The following COL12A1 variants were observed in gnomAD, a reference collection of about 807,000 sequenced individuals.
COL12A1 encodes the protein collagen type XII alpha 1 chain.
A neutral mutation model predicts 349.7 loss-of-function variants in COL12A1; 114 were observed. The ratio of observed to expected loss-of-function variants is 0.33; its 90% CI spans 0.28 to 0.38. The LOEUF (loss-of-function observed/expected upper bound fraction) is 0.38, where lower values mean the gene tolerates loss of function less well. Ranked by LOEUF, COL12A1 falls within the 10% of genes least tolerant of loss-of-function variation. The pLI is 1.00. For synonymous variants in COL12A1, 1,369 were observed against 1,329.0 expected, an observed-to-expected ratio of 1.03 and a Z score of -0.66; for missense variants, 3,284 against 3,756.9, an observed-to-expected ratio of 0.87 and a Z score of 3.29.
Position 75,138,498 on chromosome 6 carries a change from A to T in COL12A1, c.5180T>A (p.Ile1727Asn). Residue 1727 changes from isoleucine (I) to asparagine (N), a missense_variant, in exon 29 of 66, where the codon ATC becomes AAC. Coordinates refer to ENST00000322507, the MANE Select transcript of COL12A1 (RefSeq NM_004370.6). ...ATCACTTTCTGACTCATCAGGATAG[A>T]TGGCAGTAATGGAAACTTCATAGAT... ...NTIYEVSITAIYPDESESDDL... is the reference protein window; with the variant it reads ...NTIYEVSITANYPDESESDDL... 1 of 1,614,078 alleles carries T rather than the reference A, an allele frequency of 6.2e-7. No individual in the cohort carries two copies. The highest frequency in any genetic ancestry group is 2.2e-5 in the East Asian group (1 of 44,860).
chr6:75,124,746 ATAAT>A (rs1246977034), intron 40 of COL12A1, among the ~76,000 whole-genome samples: 2 of 152,194 alleles, frequency 1.3e-5, no homozygotes, highest in Non-Finnish European at 2.9e-5. Flanking sequence ...TCATGATTCA[ATAAT>A]TAAGTCAAAT....
chr6:75,087,530 T>C, intron 65 of COL12A1, 47 bp downstream of exon 65: 2 of 1,597,178 alleles, frequency 1.3e-6, no homozygotes. Context: ...TTCCGTAAAG[T>C]TCTTTACTTC....
intron 13 of COL12A1, among the ~76,000 whole-genome samples, chr6:75,166,038 G>A (rs1364047139): frequency 6.6e-6 from 1 of 151,488 alleles, no homozygotes; most frequent in African/African-American, 2.4e-5. Context: ...TGTCCTTCAG[G>A]ACAAGATTGA....
intron 8 of COL12A1, among the ~76,000 whole-genome samples, chr6:75,185,827 T>A (rs1242172926): frequency 6.6e-6 from 1 of 152,148 alleles, no homozygotes; most frequent in Non-Finnish European, 1.5e-5. Context: ...CCTACAACCA[T>A]CTGATCTTCA....
intron 60 of COL12A1, among the ~76,000 whole-genome samples, chr6:75,093,266 A>G (rs1767857943): frequency 6.6e-6 from 1 of 152,238 alleles, no homozygotes; most frequent in South Asian, 2.1e-4. Flanking sequence ...ACTGGCTAGC[A>G]TATTGTAGGC....
At position 75,119,036 on chromosome 6, in the gene COL12A1, T is replaced by A. The variant is rs1466596032; in HGVS notation, c.7354+7A>T. Reference sequence around the variant, plus strand: ...TCAAGTGCAATCAAATTCATGTATGTGCTTGCCTGACTGCTGGATGACCAA... The same window carrying A: ...TCAAGTGCAATCAAATTCATGTATGAGCTTGCCTGACTGCTGGATGACCAA... On this transcript the variant is annotated splice_region_variant and intron_variant, in intron 46 of 65. Transcript: ENST00000322507. 1.9e-6 allele frequency: 3 copies of A among 1,613,908 alleles called. No homozygotes were observed. The East Asian group carries it at 6.7e-5, about 36-fold the overall frequency.
At position 75,174,921 on chromosome 6, in the gene COL12A1, CTTTTT is replaced by C. The variant is rs1768836434; in HGVS notation, c.2710+112_2710+116del. 3 of 1,170,150 alleles carry C rather than the reference CTTTTT, an allele frequency of 2.6e-6. No homozygotes were observed. The Admixed American group carries it at 7.3e-5, about 29-fold the overall frequency. 72.5% of individuals were successfully genotyped at this position (1,170,150 alleles called of 1,614,324 possible). A position where few individuals can be genotyped will look rare whatever the true frequency, so the allele number is the denominator to read the frequency against. The stretch of plus-strand genomic sequence containing the variant: ...GGTTATTTGTTTTTCAATATGGATT[CTTTTT>C]AAGAGAAAGGATTGCACACTTCTAG... On this transcript the variant is annotated intron_variant, in intron 13 of 65. Transcript: ENST00000322507.
At chr6:75,161,639 T>G (rs1225692966) in intron 14 of COL12A1, among the ~76,000 whole-genome samples, 1 of 152,178 alleles carries the variant, frequency 6.6e-6, no homozygotes, top group East Asian at 1.9e-4. Flanking sequence ...CAACATAGTA[T>G]TGGAAGTTCT....
chr6:75,157,962 G>A (rs2149426939), intron 14 of COL12A1, among the ~76,000 whole-genome samples: 1 of 152,214 alleles, frequency 6.6e-6, no homozygotes, highest in Non-Finnish European at 1.5e-5. Context: ...CAGTTTAAAA[G>A]CAAATGTCAG....
chr6:75,141,758 A>G (rs897223407), intron 27 of COL12A1, among the ~76,000 whole-genome samples: 4 of 152,212 alleles, frequency 2.6e-5, no homozygotes, highest in Non-Finnish European at 4.4e-5. Context: ...CTACACATAC[A>G]TGCACACACA....
chr6:75,089,113 G>A lies in COL12A1; in HGVS notation c.9003C>T (p.Gly3001=), dbSNP rs1281725784. The change falls in exon 64 of 66, where the codon GGC becomes GGT. Residue 3001 remains glycine (G), a synonymous_variant. Transcript: ENST00000322507. The part of the protein sequence containing the change: ...TGSSGPRGLP[G]PPGPQGESRT... ...AAATACTAGCAAACCTACCTGGGGGGCCAGGCAGCCCCCGAGGTCCTGAAG... is the reference window on the plus strand; with the variant it reads ...AAATACTAGCAAACCTACCTGGGGGACCAGGCAGCCCCCGAGGTCCTGAAG... 3 of 1,610,732 alleles carry A rather than the reference G, an allele frequency of 1.9e-6. No individual in the cohort carries two copies. The highest frequency in any genetic ancestry group is 2.5e-6 in the Non-Finnish European group (3 of 1,178,626).
At chr6:75,132,901 CA>C (rs1489244382) in intron 34 of COL12A1, among the ~76,000 whole-genome samples, 1 of 152,072 alleles carries the variant, frequency 6.6e-6, no homozygotes, top group Non-Finnish European at 1.5e-5. Flanking sequence ...ACAAACAAAC[CA>C]AAGACATATG....
intron 36 of COL12A1, 54 bp from the exon 37 acceptor site, chr6:75,130,287 G>A (rs1766238920): frequency 3.2e-6 from 5 of 1,577,664 alleles, no homozygotes; most frequent in Non-Finnish European, 4.3e-6. Context: ...CATTACCTAA[G>A]TCAGATTAAG....
rs2149439042 is a variant in COL12A1 at position 75,165,799 on chromosome 6, G to A, written c.2711-20C>T. Reference sequence around the variant, plus strand: ...CACGTTCTAGAACAGAAATTAAAAGGGAATCTTTTTTAAAAATGTCTAGTA... The same window carrying A: ...CACGTTCTAGAACAGAAATTAAAAGAGAATCTTTTTTAAAAATGTCTAGTA... On this transcript the variant is annotated intron_variant, in intron 13 of 65. Transcript: ENST00000322507. 1 of 1,604,912 alleles carries A rather than the reference G, an allele frequency of 6.2e-7. No individual in the cohort carries two copies. The highest frequency in any genetic ancestry group is 1.3e-5 in the African/African-American group (1 of 74,348).
intron 31 of COL12A1, 37 bp from the exon 32 acceptor site, chr6:75,134,892 C>A: frequency 6.3e-7 from 1 of 1,586,364 alleles, no homozygotes; most frequent in South Asian, 1.2e-5. Context: ...GTCAGCCTTG[C>A]TCTCTCCATC....
In COL12A1 at chr6:75,181,038, T is replaced by C. The variant is rs1200418649; in HGVS notation, c.2065A>G (p.Ser689Gly). Reference protein sequence around the residue: ...EPASSTSVVLSSLKPETLYLV... With the variant: ...EPASSTSVVLGSLKPETLYLV... ...TACAAGGTCTCTGGCTTCAGGCTGC[T>C]GAGAACAACACTGGTGCTCGATGCT... is the stretch of plus-strand genomic sequence containing the variant. Residue 689 changes from serine (S) to glycine (G), a missense_variant, in exon 11 of 66, where the codon AGC becomes GGC. Ser to Gly is a moderately conservative substitution (Grantham distance 56). Transcript: ENST00000322507. 4 of 1,614,180 alleles carry C rather than the reference T, an allele frequency of 2.5e-6. No homozygotes were observed. Among genetic ancestry groups the C allele is most frequent in the Non-Finnish European group, 3.4e-6 (4 of 1,180,032 alleles).
chr6:75,102,389 TAGC>T (rs1188734891), intron 56 of COL12A1, among the ~76,000 whole-genome samples: 15 of 152,134 alleles, frequency 9.9e-5, no homozygotes, highest in Non-Finnish European at 1.5e-5. Flanking sequence ...GTCAAATAAG[TAGC>T]AGTAATTTTT....
intron 44 of COL12A1, 88 bp downstream of exon 44, chr6:75,121,214 T>C: frequency 7.9e-7 from 1 of 1,260,508 alleles, no homozygotes; most frequent in Non-Finnish European, 1.1e-6. Context: ...ACAGAGTTTA[T>C]ATTGAAAAGA....
chr6:75,151,668 C>T (rs572247020), intron 20 of COL12A1, among the ~76,000 whole-genome samples, 199 bp downstream of exon 20: 39 of 151,852 alleles, frequency 2.6e-4, no homozygotes, highest in African/African-American at 8.0e-4. Flanking sequence ...TATTAATTTT[C>T]GTTTAAGAAA....
Sources: gnomAD v4.1 joint callset for allele counts (sites outside exome capture counted in the v4.1 genomes callset) on GRCh38, gnomAD v4.1.1 for gene constraint, MANE v1.5 for transcripts, NCBI Gene and HGNC (gene_info 2026-07-23, HGNC 2026-07-21) for gene names.